Variants in FRMPD4 observed in about 807,000 individuals in gnomAD.
The protein encoded by FRMPD4 is FERM and PDZ domain containing 4.
In FRMPD4, 22 loss-of-function variants were observed where a neutral mutation model predicts 94.1. The ratio of observed to expected loss-of-function variants is 0.23; its 90% CI spans 0.17 to 0.33. The LOEUF (loss-of-function observed/expected upper bound fraction) is 0.33, where lower values mean the gene tolerates loss of function less well. FRMPD4 is among the 10% of genes least tolerant of loss of function. The pLI is 1.00. For missense variants in FRMPD4, 1,111 were observed against 1,339.9 expected, an observed-to-expected ratio of 0.83 and a Z score of 2.67; for synonymous variants, 631 against 548.6, an observed-to-expected ratio of 1.15 and a Z score of -2.10.
intron 1 of FRMPD4, among the ~76,000 whole-genome samples, chrX:11,849,673 G>T (rs1411895126): frequency 1.0e-5 from 1 of 100,257 alleles, no homozygotes; most frequent in Non-Finnish European, 2.0e-5. Context: ...TGTGGGAAAG[G>T]ACAGGTTTTT....
At chrX:12,719,527 T>C (rs2042177537) in intron 16 of FRMPD4, among the ~76,000 whole-genome samples, 2 of 112,624 alleles carry the variant, frequency 1.8e-5, no homozygotes, top group Middle Eastern at 4.6e-3. Flanking sequence ...TTTCATACTT[T>C]TATGTTTCAA....
rs367874098 is a variant in FRMPD4 at position 12,164,634 on chromosome X, C to A, written c.41+25622C>A. Among the ~76,000 whole-genome samples, 178 of 112,341 alleles carry A rather than the reference C, an allele frequency of 1.6e-3. 1 individual carries two copies. The highest frequency in any genetic ancestry group is 5.5e-3 in the African/African-American group (170 of 30,913). Reference sequence around the variant, plus strand: ...TGAGGAATCGCCACACTGACTTCCACAAGGGTTGAACTGGCTTACAGTCCC... The same window carrying A: ...TGAGGAATCGCCACACTGACTTCCAAAAGGGTTGAACTGGCTTACAGTCCC... On this transcript the variant is annotated intron_variant, in intron 1 of 16. Coordinates refer to ENST00000675598, the MANE Select transcript of FRMPD4 (RefSeq NM_001368397.1).
chrX:12,207,110 C>T (rs2056701421), intron 1 of FRMPD4, among the ~76,000 whole-genome samples: 1 of 111,139 alleles, frequency 9.0e-6, no homozygotes, highest in Non-Finnish European at 1.9e-5. Flanking sequence ...TACAGCATAC[C>T]AGAGTTTCCA....
intron 3 of FRMPD4, among the ~76,000 whole-genome samples, chrX:11,923,062 A>G: frequency 8.9e-6 from 1 of 112,747 alleles, no homozygotes; most frequent in Non-Finnish European, 1.9e-5. Context: ...CTTTGGCCAT[A>G]TGCAGCAGCC....
intron 2 of FRMPD4, among the ~76,000 whole-genome samples, chrX:12,551,816 A>G (rs766747973): frequency 2.7e-5 from 3 of 110,851 alleles, no homozygotes; most frequent in Non-Finnish European, 3.8e-5. Flanking sequence ...TGTGTGTGTA[A>G]TGTTAGCAGC....
intron 1 of FRMPD4, among the ~76,000 whole-genome samples, chrX:12,272,788 G>A (rs768378472): frequency 8.9e-6 from 1 of 111,740 alleles, no homozygotes; most frequent in Non-Finnish European, 1.9e-5. Flanking sequence ...TGAAAGAAAA[G>A]GCTGCGTGTG....
chrX:12,177,709 G>A (rs1389638907), intron 1 of FRMPD4, among the ~76,000 whole-genome samples: 1 of 111,918 alleles, frequency 8.9e-6, no homozygotes, highest in Non-Finnish European at 1.9e-5. Flanking sequence ...AAATGTTTAC[G>A]GAACTTATTG....
At chrX:12,616,666 T>A (rs764810166) in intron 4 of FRMPD4, among the ~76,000 whole-genome samples, 77 of 112,426 alleles carry the variant, frequency 6.8e-4, no homozygotes, top group Non-Finnish European at 3.8e-4. Context: ...AGACTCTGTA[T>A]GTAAGAGCCC....
At chrX:12,674,778 A>T in intron 4 of FRMPD4, 85 bp from the exon 5 acceptor site, 1 of 639,012 alleles carries the variant, frequency 1.6e-6, no homozygotes, top group Non-Finnish European at 2.7e-6. Context: ...AACGCATCAC[A>T]CATTTTGTTT....
At chrX:12,559,410 G>A (rs1189041270) in intron 2 of FRMPD4, among the ~76,000 whole-genome samples, 3 of 111,545 alleles carry the variant, frequency 2.7e-5, no homozygotes, top group African/African-American at 9.8e-5. Context: ...TGCACTTTGG[G>A]TGGTCAAGGC....
At chrX:12,262,061 G>A (rs750767031) in intron 1 of FRMPD4, among the ~76,000 whole-genome samples, 1 of 111,025 alleles carries the variant, frequency 9.0e-6, no homozygotes, top group African/African-American at 3.3e-5. Flanking sequence ...TAATGTAGCA[G>A]TTTGGGGCAG....
chrX:12,612,939 C>T (rs1292142328), intron 3 of FRMPD4, among the ~76,000 whole-genome samples: 2 of 111,489 alleles, frequency 1.8e-5, no homozygotes, highest in Admixed American at 9.5e-5. Context: ...TCTTACTTCC[C>T]GGAAGGAAGA....
intron 3 of FRMPD4, among the ~76,000 whole-genome samples, chrX:11,963,665 A>G (rs772697437): frequency 4.4e-5 from 5 of 112,514 alleles, no homozygotes; most frequent in African/African-American, 1.6e-4. Context: ...AGTAGAACAG[A>G]AAGCTGAGGG....
chrX:11,977,703 T>C (rs1473912174), intron 3 of FRMPD4, among the ~76,000 whole-genome samples: 1 of 96,249 alleles, frequency 1.0e-5, no homozygotes. Flanking sequence ...GCAGGACAAC[T>C]GGAAGCTGGG....
intron 2 of FRMPD4, among the ~76,000 whole-genome samples, chrX:12,506,998 C>A (rs2057992631): frequency 8.9e-6 from 1 of 112,047 alleles, no homozygotes; most frequent in South Asian, 3.7e-4. Context: ...AAGGATATGG[C>A]AGGGTTCCTT....
At chrX:12,674,577 C>G (rs2059876580) in intron 4 of FRMPD4, among the ~76,000 whole-genome samples, 1 of 111,993 alleles carries the variant, frequency 8.9e-6, no homozygotes, top group African/African-American at 3.2e-5. Context: ...TCTTCCCTTC[C>G]TGGGTTTTAT....
chrX:12,170,706 G>C lies in FRMPD4; in HGVS notation c.41+31694G>C, dbSNP rs1385938548. ...TTCAGACTGATTGCAGTGCTGCTTG[G>C]TGGCAACTCCCGCGACTCCAGCAGC... On this transcript the variant is annotated intron_variant, in intron 1 of 16. Coordinates refer to ENST00000675598, the MANE Select transcript of FRMPD4 (RefSeq NM_001368397.1). Among the ~76,000 whole-genome samples the C allele has an allele frequency of 4.4e-5, 3 of 67,965 alleles. 1 individual carries two copies. The Admixed American group carries it at 5.7e-4, about 13-fold the overall frequency. The allele number at this position is 67,965 out of a possible 115,157, so 59.0% of individuals were successfully genotyped here.
At chrX:12,140,250 C>T (rs1341058265) in intron 1 of FRMPD4, among the ~76,000 whole-genome samples, 1 of 112,129 alleles carries the variant, frequency 8.9e-6, no homozygotes, top group Non-Finnish European at 1.9e-5. Flanking sequence ...AGGCCCAGTG[C>T]AGCTTACTCT....
chrX:12,572,720 G>A (rs1301059130), intron 2 of FRMPD4, among the ~76,000 whole-genome samples: 2 of 111,418 alleles, frequency 1.8e-5, no homozygotes, highest in Non-Finnish European at 3.8e-5. Context: ...ATTAATAGGA[G>A]AAAAAAATAG....
Sources: allele counts gnomAD v4.1 joint callset (sites outside exome capture counted in the v4.1 genomes callset), GRCh38; gene constraint gnomAD v4.1.1; transcripts MANE v1.5; gene names NCBI Gene and HGNC (gene_info 2026-07-23, HGNC 2026-07-21).